Variants in CYP2C18 observed in about 807,000 individuals in gnomAD.
CYP2C18 encodes cytochrome P450 2C18.
CYP2C18 carries 38 observed loss-of-function variants against 41.3 expected under a neutral mutation model. The observed-to-expected ratio is 0.92, with a 90% CI of 0.71 to 1.21. The LOEUF is 1.21. CYP2C18 is among the 50% of genes most tolerant of loss of function. CYP2C18 has a pLI of 0.00. For missense variants in CYP2C18, 635 were observed against 591.4 expected, an observed-to-expected ratio of 1.07 and a Z score of -0.77; for synonymous variants, 236 against 210.0, an observed-to-expected ratio of 1.12 and a Z score of -1.07.
At chr10:94,697,660 G>T (rs1382433054) in intron 4 of CYP2C18, among the ~76,000 whole-genome samples, 4 of 152,168 alleles carry the variant, frequency 2.6e-5, no homozygotes, top group Non-Finnish European at 5.9e-5. Flanking sequence ...TGGGTTAAAT[G>T]CTCCAATTAA....
At chr10:94,713,263 T>C (rs567243699) in intron 5 of CYP2C18, among the ~76,000 whole-genome samples, 1 of 152,270 alleles carries the variant, frequency 6.6e-6, no homozygotes, top group South Asian at 2.1e-4. Flanking sequence ...ACATGTGCCA[T>C]GTAGGTGTGC....
intron 1 of CYP2C18, among the ~76,000 whole-genome samples, chr10:94,686,314 A>T (rs1053165883): frequency 1.4e-4 from 21 of 152,158 alleles, no homozygotes; most frequent in Non-Finnish European, 2.6e-4. Context: ...TTCTACATAT[A>T]AGATTATTTC....
rs768785722 is a variant in CYP2C18 at position 94,688,188 on chromosome 10, G to A, written c.395G>A (p.Arg132Gln). 8.7e-6 allele frequency: 14 copies of A among 1,613,712 alleles called. No individual in the cohort carries two copies. Among genetic ancestry groups the A allele is most frequent in the African/African-American group, 1.3e-5 (1 of 75,000 alleles). ...CGGCGTTTCTGCCTCATGACTCTGC[G>A]GAATTTTGGGATGGGGAAGAGGAGC... Reference protein sequence around the residue: ...EIRRFCLMTLRNFGMGKRSIE... With the variant: ...EIRRFCLMTLQNFGMGKRSIE... Residue 132 changes from arginine to glutamine, a missense_variant, in exon 3 of 9, where the codon CGG becomes CAG. By Grantham distance (43) the Arg-to-Gln change is conservative (BLOSUM62 1). Transcript: ENST00000285979.
chr10:94,728,448 A>T (rs1467085246), intron 7 of CYP2C18: 1 of 153,466 alleles, frequency 6.5e-6, no homozygotes, highest in African/African-American at 2.4e-5. Context: ...TAATTTACCC[A>T]GTAGTTTTAA....
At chr10:94,718,434 T>C (rs1026772757) in intron 5 of CYP2C18, among the ~76,000 whole-genome samples, 2 of 152,202 alleles carry the variant, frequency 1.3e-5, no homozygotes, top group African/African-American at 4.8e-5. Flanking sequence ...GTCTTTCATT[T>C]ATTTTTCTTG....
Position 94,687,780 on chromosome 10 carries a change from T to G in CYP2C18, c.179T>G (p.Val60Gly). The part of the protein sequence containing the change: ...MSKSLTNFSK[V>G]YGPVFTVYFG... ...CTTTTCTATGTTTAGTTCTCAAAAG[T>G]CTATGGCCCTGTGTTCACTGTGTAT... Residue 60 changes from valine to glycine, a missense_variant, in exon 2 of 9, where the codon GTC becomes GGC. Val to Gly is a moderately radical substitution (Grantham distance 109, BLOSUM62 -3). Transcript: ENST00000285979. 6.2e-7 allele frequency: 1 copy of G among 1,612,514 alleles called. No homozygotes were observed. The highest frequency in any genetic ancestry group is 8.5e-7 in the Non-Finnish European group (1 of 1,179,328).
At chr10:94,688,348 C>T in intron 3 of CYP2C18, 74 bp downstream of exon 3, 1 of 1,493,998 alleles carries the variant, frequency 6.7e-7, no homozygotes, top group Non-Finnish European at 9.0e-7. Flanking sequence ...TGATACATAA[C>T]TTTTATGCAT....
chr10:94,735,475 C>T lies in CYP2C18; in HGVS notation c.*31C>T, dbSNP rs2860840. ...GGCAGATAGTTTGGCTGCTCCTGTG[C>T]TGTCACCTGCAATTCTCCCTTATCA... On this transcript the variant is annotated 3_prime_UTR_variant, in exon 9 of 9. Coordinates refer to ENST00000285979, the MANE Select transcript of CYP2C18 (RefSeq NM_000772.3). 547,319 of 1,608,778 alleles carry T rather than the reference C, an allele frequency of 0.34. 99,437 individuals are homozygous for T. The highest frequency in any genetic ancestry group is 0.49 in the Admixed American group (29,327 of 59,842).
Position 94,706,044 on chromosome 10 carries a change from A to G in CYP2C18, c.643-740A>G, listed in dbSNP as rs112769898. 2.4e-3 allele frequency among the ~76,000 whole-genome samples: 370 copies of G among 152,214 alleles called. 2 individuals carry two copies. Among genetic ancestry groups the G allele is most frequent in the African/African-American group, 7.7e-3 (321 of 41,514 alleles). The stretch of plus-strand genomic sequence containing the variant: ...TCACATTATTTGGCAAAAGGGGAGG[A>G]GGTTTTGGAGAACAGATGCTACCAG... On this transcript the variant is annotated intron_variant, in intron 4 of 8. Transcript: ENST00000285979.
chr10:94,734,964 A>G (rs1167868686), intron 8 of CYP2C18, among the ~76,000 whole-genome samples: 1 of 152,192 alleles, frequency 6.6e-6, no homozygotes, highest in Non-Finnish European at 1.5e-5. Context: ...AAAAAGACTG[A>G]TGGAAACTTG....
chr10:94,696,136 G>A (rs1461021821), intron 4 of CYP2C18, among the ~76,000 whole-genome samples: 1 of 152,094 alleles, frequency 6.6e-6, no homozygotes, highest in Admixed American at 6.5e-5. Flanking sequence ...AGAGAGTAGT[G>A]GTTCTCCCAG....
At chr10:94,728,129 A>G (rs1329627857) in intron 7 of CYP2C18, among the ~76,000 whole-genome samples, 1 of 151,964 alleles carries the variant, frequency 6.6e-6, no homozygotes, top group African/African-American at 2.4e-5. Context: ...CATCACGAAC[A>G]GTTTTTTTTA....
intron 6 of CYP2C18, 79 bp from the exon 7 acceptor site, chr10:94,724,267 T>C: frequency 4.9e-6 from 7 of 1,433,248 alleles, no homozygotes; most frequent in Non-Finnish European, 6.9e-6. Context: ...CCCTTCCTTA[T>C]GCTTCTTGTA....
intron 3 of CYP2C18, among the ~76,000 whole-genome samples, chr10:94,693,925 A>G (rs1380169684): frequency 2.0e-5 from 3 of 152,092 alleles, no homozygotes; most frequent in Admixed American, 1.3e-4. Context: ...CACACATCCA[A>G]ACTGTATCAG....
At chr10:94,718,184 A>C (rs1195108746) in intron 5 of CYP2C18, among the ~76,000 whole-genome samples, 1 of 151,794 alleles carries the variant, frequency 6.6e-6, no homozygotes, top group Non-Finnish European at 1.5e-5. Context: ...TGTACTCCTA[A>C]ATACTTTATT....
intron 6 of CYP2C18, among the ~76,000 whole-genome samples, chr10:94,721,698 G>A (rs951603031): frequency 6.6e-6 from 1 of 152,066 alleles, no homozygotes; most frequent in African/African-American, 2.4e-5. Flanking sequence ...ATTTATAAGT[G>A]AGAACATGTG....
At chr10:94,686,576 A>G (rs1026378691) in intron 1 of CYP2C18, among the ~76,000 whole-genome samples, 23 of 152,190 alleles carry the variant, frequency 1.5e-4, no homozygotes, top group African/African-American at 5.1e-4. Context: ...TTAATGTCAC[A>G]TAGAAACTTC....
At position 94,735,998 on chromosome 10, in the gene CYP2C18, A is replaced by T. The variant is rs1264844666; in HGVS notation, c.*554A>T. ...TTGGAGGTCTGAATTTGGAAAAAAA[A>T]ACTATGTCCAGGAGCAGCTGTAACC... On this transcript the variant is annotated 3_prime_UTR_variant, in exon 9 of 9. Transcript: ENST00000285979. The T allele has an allele frequency of 6.5e-6, 1 of 152,850 alleles. No homozygotes were observed. Among genetic ancestry groups the T allele is most frequent in the Non-Finnish European group, 1.5e-5 (1 of 68,556 alleles). 9.5% of individuals were successfully genotyped at this position (152,850 alleles called of 1,614,324 possible).
intron 4 of CYP2C18, among the ~76,000 whole-genome samples, chr10:94,698,178 A>G (rs1356720641): frequency 2.0e-4 from 31 of 152,322 alleles, no homozygotes; most frequent in Non-Finnish European, 2.9e-5. Flanking sequence ...CAGAATATAC[A>G]TTCTTTTCAG....
Sources: gnomAD v4.1 joint callset for allele counts (sites outside exome capture counted in the v4.1 genomes callset) on GRCh38, gnomAD v4.1.1 for gene constraint, MANE v1.5 for transcripts, NCBI Gene and HGNC (gene_info 2026-07-23, HGNC 2026-07-21) for gene names.